The following DIAPH2 variants were observed in gnomAD, a reference collection of about 807,000 sequenced individuals.
DIAPH2 encodes the protein diaphanous related formin 2.
In DIAPH2, 35 loss-of-function variants were observed where a neutral mutation model predicts 92.7. That is an observed-to-expected ratio of 0.38 (90% CI 0.29 to 0.50). DIAPH2 has a LOEUF of 0.50. DIAPH2 is among the 20% of genes least tolerant of loss of function. DIAPH2 has a pLI of 0.94. For synonymous variants in DIAPH2, 301 were observed against 280.4 expected (o/e 1.07, Z -0.73); for missense variants, 701 against 819.5 (o/e 0.86, Z 1.77).
chrX:96,712,629 A>G (rs1245070057), intron 1 of DIAPH2, among the ~76,000 whole-genome samples: 1 of 111,336 alleles, frequency 9.0e-6, no homozygotes, highest in Non-Finnish European at 1.9e-5. Context: ...TCTCACATCA[A>G]TCTTCATCAC....
intron 17 of DIAPH2, among the ~76,000 whole-genome samples, chrX:97,052,757 A>G (rs191326993): frequency 1.4e-4 from 16 of 111,362 alleles, no homozygotes; most frequent in Admixed American, 1.4e-3. Context: ...TTTATATTAA[A>G]CATGCTTATT....
Position 96,896,837 on chromosome X carries a change from T to TA in DIAPH2, c.587+15120dup, listed in dbSNP as rs1451626679. On this transcript the variant is annotated intron_variant, in intron 5 of 26. Coordinates refer to ENST00000324765, the MANE Select transcript of DIAPH2 (RefSeq NM_006729.5). Reference sequence around the variant, plus strand: ...AGGCTGATATCTCTTAGGGACTTTATACTGCATTTAGTCCTACAAATGCTT... The same window carrying TA: ...AGGCTGATATCTCTTAGGGACTTTATAACTGCATTTAGTCCTACAAATGCTT... Among the ~76,000 whole-genome samples, 4 of 112,240 alleles carry TA rather than the reference T, an allele frequency of 3.6e-5. No individual in the cohort carries two copies. In the East Asian group the frequency reaches 1.1e-3, roughly 31 times the overall value.
At chrX:96,799,142 C>T (rs140667425) in intron 4 of DIAPH2, among the ~76,000 whole-genome samples, 1,474 of 109,233 alleles carry the variant, frequency 0.013, 13 homozygotes, top group Non-Finnish European at 0.02. Context: ...GATCTCCCAT[C>T]TCTCTTTTTT....
rs1335937827 is a variant in DIAPH2, at chrX:96,898,570, GTTGT to G, written c.588-13751_588-13748del. ...TGTCCTTCGCCCACTTTTTGATGGG[GTTGT>G]TTGTTTTTTTTCTTGTAAATTTGTT... On this transcript the variant is annotated intron_variant, in intron 5 of 26. Coordinates refer to ENST00000324765, the MANE Select transcript of DIAPH2 (RefSeq NM_006729.5). Among the ~76,000 whole-genome samples the G allele has an allele frequency of 3.8e-5, 4 of 104,346 alleles. No individual in the cohort carries two copies. The East Asian group carries it at 9.2e-4, about 24-fold the overall frequency. The allele number at this position is 104,346 out of a possible 115,157, so 90.6% of individuals were successfully genotyped here.
chrX:96,882,133 C>T (rs1022271802), intron 5 of DIAPH2, among the ~76,000 whole-genome samples: 4 of 110,081 alleles, frequency 3.6e-5, no homozygotes, highest in Admixed American at 9.7e-5. Flanking sequence ...TCACTGCAAC[C>T]TCTGCCTCCC....
At chrX:96,841,372 A>G (rs2064935416) in intron 4 of DIAPH2, among the ~76,000 whole-genome samples, 2 of 111,922 alleles carry the variant, frequency 1.8e-5, no homozygotes, top group African/African-American at 6.5e-5. Flanking sequence ...CACTGTGTTC[A>G]ATTTGTTCAC....
At chrX:96,997,439 C>T (rs1269176612) in intron 17 of DIAPH2, among the ~76,000 whole-genome samples, 2 of 111,139 alleles carry the variant, frequency 1.8e-5, no homozygotes, top group Non-Finnish European at 3.8e-5. Flanking sequence ...CCCCATACAT[C>T]GTGCTCCGTG....
At chrX:96,839,280 T>C (rs1314057182) in intron 4 of DIAPH2, among the ~76,000 whole-genome samples, 4 of 111,118 alleles carry the variant, frequency 3.6e-5, no homozygotes, top group Non-Finnish European at 7.6e-5. Context: ...CTCCCCTAAA[T>C]GCCTATACCA....
At chrX:97,284,337 A>G (rs2068522233) in intron 23 of DIAPH2, among the ~76,000 whole-genome samples, 2 of 111,131 alleles carry the variant, frequency 1.8e-5, no homozygotes, top group South Asian at 7.6e-4. Flanking sequence ...TGGGCTAGGC[A>G]CAGTGGCCCA....
intron 23 of DIAPH2, among the ~76,000 whole-genome samples, chrX:97,339,988 T>G (rs1028791949): frequency 8.9e-6 from 1 of 111,931 alleles, no homozygotes; most frequent in Admixed American, 9.5e-5. Flanking sequence ...GTTCTTCTCT[T>G]TAAATATTTC....
intron 22 of DIAPH2, among the ~76,000 whole-genome samples, chrX:97,161,000 T>C (rs1259582625): frequency 9.1e-6 from 1 of 110,226 alleles, no homozygotes; most frequent in Non-Finnish European, 1.9e-5. Flanking sequence ...AGGGAAAAAC[T>C]TTCTTGCAAA....
rs2064918165 is a variant in DIAPH2 at position 96,839,063 on chromosome X, A to G, written c.448-42516A>G. Among the ~76,000 whole-genome samples the G allele has an allele frequency of 4.5e-5, 5 of 111,605 alleles. No individual in the cohort carries two copies. In the South Asian group the frequency reaches 1.9e-3, roughly 42 times the overall value. On this transcript the variant is annotated intron_variant, in intron 4 of 26. Transcript: ENST00000324765. ...ACCCTATATTCCACAATACATCTAT[A>G]TCATATATAGTGTCAGATTTTACAG... is the stretch of plus-strand genomic sequence containing the variant.
intron 26 of DIAPH2, among the ~76,000 whole-genome samples, chrX:97,589,027 A>ATATATATATATATATATATAT (rs748240865): frequency 6.2e-4 from 53 of 85,058 alleles, no homozygotes; most frequent in Admixed American, 1.1e-3. Flanking sequence ...ATATATATAT[A>ATATATATATATATATATATAT]AAAGAATCAG....
At chrX:97,003,200 T>C (rs760903093) in intron 17 of DIAPH2, among the ~76,000 whole-genome samples, 1 of 111,757 alleles carries the variant, frequency 8.9e-6, no homozygotes, top group Non-Finnish European at 1.9e-5. Context: ...TTTATTCTTC[T>C]GTTGATGGAC....
chrX:97,412,652 A>G (rs1189352901), intron 25 of DIAPH2, among the ~76,000 whole-genome samples: 3 of 111,786 alleles, frequency 2.7e-5, no homozygotes, highest in Non-Finnish European at 3.8e-5. Flanking sequence ...TTGATAGACC[A>G]CTAGCAAGAC....
intron 22 of DIAPH2, among the ~76,000 whole-genome samples, chrX:97,180,151 C>T (rs372858911): frequency 4.3e-4 from 48 of 112,247 alleles, no homozygotes; most frequent in African/African-American, 1.5e-3. Context: ...TCTTTCACAA[C>T]GGTTGAACTA....
intron 17 of DIAPH2, among the ~76,000 whole-genome samples, chrX:96,991,452 C>A (rs936962052): frequency 4.7e-5 from 5 of 106,870 alleles, no homozygotes; most frequent in African/African-American, 1.7e-4. Context: ...GAAAATAAGG[C>A]AAAGAGAAAT....
intron 4 of DIAPH2, among the ~76,000 whole-genome samples, chrX:96,801,608 A>G (rs6620167): frequency 0.1 from 11,659 of 111,269 alleles, 552 homozygotes; most frequent in East Asian, 0.32. Flanking sequence ...GTTGAGTGAT[A>G]TAAGCATTTA....
chrX:97,388,456 A>G (rs958218256), intron 25 of DIAPH2, among the ~76,000 whole-genome samples: 1 of 111,722 alleles, frequency 9.0e-6, no homozygotes, highest in African/African-American at 3.3e-5. Flanking sequence ...GGCAGAAGCA[A>G]TCCTCCTCCC....
Sources: gnomAD v4.1 joint callset for allele counts (sites outside exome capture counted in the v4.1 genomes callset) on GRCh38, gnomAD v4.1.1 for gene constraint, MANE v1.5 for transcripts, NCBI Gene and HGNC (gene_info 2026-07-23, HGNC 2026-07-21) for gene names.